DSCAM: variants seen among roughly 807,000 people sequenced by gnomAD.
The protein encoded by DSCAM is cell adhesion molecule DSCAM.
A neutral mutation model predicts 217.7 loss-of-function variants in DSCAM; 47 were observed. That is an observed-to-expected ratio of 0.22 (90% confidence interval 0.17 to 0.28). The LOEUF (loss-of-function observed/expected upper bound fraction) is 0.28. Ranked by LOEUF, DSCAM falls within the 10% of genes least tolerant of loss-of-function variation. The pLI is 1.00. For synonymous variants in DSCAM, 1,056 were observed against 1,015.3 expected (o/e 1.04, Z -0.76); for missense variants, 2,080 against 2,618.3 (o/e 0.79, Z 4.49).
chr21:40,141,670 G>A (rs964121812), intron 18 of DSCAM, among the ~76,000 whole-genome samples: 1 of 152,096 alleles, frequency 6.6e-6, no homozygotes, highest in African/African-American at 2.4e-5. Flanking sequence ...CAGTGACGGG[G>A]GGTGCAGGAG....
intron 25 of DSCAM, 44 bp downstream of exon 25, chr21:40,080,108 G>A (rs368307704): frequency 1.7e-5 from 21 of 1,262,140 alleles, no homozygotes; most frequent in South Asian, 1.0e-4. Context: ...TCTTCTGGCC[G>A]GGAAAAGAAA....
At chr21:40,170,672 A>G (rs1285703776) in intron 15 of DSCAM, among the ~76,000 whole-genome samples, 2 of 152,230 alleles carry the variant, frequency 1.3e-5, no homozygotes, top group Non-Finnish European at 2.9e-5. Flanking sequence ...GATTTCCCTC[A>G]CACACAGATA....
chr21:40,348,396 A>G (rs2074588179), intron 5 of DSCAM, among the ~76,000 whole-genome samples: 1 of 151,444 alleles, frequency 6.6e-6, no homozygotes, highest in Non-Finnish European at 1.5e-5. Context: ...CATTATTGCA[A>G]TCATACCCTA....
At position 40,197,358 on chromosome 21, in the gene DSCAM, T is replaced by C. The variant is rs1368513656; in HGVS notation, c.2357-8120A>G. Among the ~76,000 whole-genome samples the C allele has an allele frequency of 2.0e-5, 3 of 152,098 alleles. No homozygotes were observed. The East Asian group carries it at 5.8e-4, about 29-fold the overall frequency. On this transcript the variant is annotated intron_variant, in intron 11 of 32. Coordinates refer to ENST00000400454, the MANE Select transcript of DSCAM (RefSeq NM_001389.5). ...TGGTCTCGATCTCCTGACCTTGCGATCCACCCACCTCGGCCTCCCAAAGTG... is the reference window on the plus strand; with the variant it reads ...TGGTCTCGATCTCCTGACCTTGCGACCCACCCACCTCGGCCTCCCAAAGTG...
At chr21:40,182,004 C>T (rs931071695) in intron 14 of DSCAM, among the ~76,000 whole-genome samples, 1 of 151,948 alleles carries the variant, frequency 6.6e-6, no homozygotes, top group Non-Finnish European at 1.5e-5. Flanking sequence ...CTGACAGGAG[C>T]CAGTGAGACT....
In DSCAM at chr21:40,491,644, C is replaced by T. The variant is rs567542064; in HGVS notation, c.509-122399G>A. Among the ~76,000 whole-genome samples, 156 of 152,236 alleles carry T rather than the reference C, an allele frequency of 1.0e-3. 1 individual carries two copies. In the South Asian group the frequency reaches 0.028, roughly 28 times the overall value. Reference sequence around the variant, plus strand: ...CTACCTACCCTCCTTCTATAAACACCCCCACACCCAATTCATTCAACCCAG... The same window carrying T: ...CTACCTACCCTCCTTCTATAAACACTCCCACACCCAATTCATTCAACCCAG... On this transcript the variant is annotated intron_variant, in intron 3 of 32. Coordinates refer to ENST00000400454, the MANE Select transcript of DSCAM (RefSeq NM_001389.5).
chr21:40,419,896 T>C (rs2075406768), intron 3 of DSCAM, among the ~76,000 whole-genome samples: 2 of 152,166 alleles, frequency 1.3e-5, no homozygotes, highest in African/African-American at 4.8e-5. Context: ...CCATAGATAC[T>C]TTTTTATTCT....
chr21:40,798,134 C>T (rs1465118686), intron 1 of DSCAM, among the ~76,000 whole-genome samples: 1 of 151,964 alleles, frequency 6.6e-6, no homozygotes, highest in Non-Finnish European at 1.5e-5. Flanking sequence ...CAAAAATATA[C>T]TAAGTGGGAA....
chr21:40,398,871 A>G (rs1201987220), intron 3 of DSCAM, among the ~76,000 whole-genome samples: 2 of 152,114 alleles, frequency 1.3e-5, no homozygotes, highest in Non-Finnish European at 2.9e-5. Context: ...TACAGGTGTC[A>G]GCCACCGCAC....
chr21:40,314,189 T>C (rs905507460), intron 8 of DSCAM, among the ~76,000 whole-genome samples: 1 of 152,210 alleles, frequency 6.6e-6, no homozygotes, highest in Non-Finnish European at 1.5e-5. Context: ...GGCGCTTCTC[T>C]TATTTCGTAT....
At chr21:40,715,522 G>C (rs912422136) in intron 1 of DSCAM, among the ~76,000 whole-genome samples, 3 of 152,068 alleles carry the variant, frequency 2.0e-5, no homozygotes, top group African/African-American at 7.2e-5. Flanking sequence ...TCATCAAGTC[G>C]TAAGTGTTTT....
intron 8 of DSCAM, among the ~76,000 whole-genome samples, chr21:40,319,183 T>A (rs1205950504): frequency 1.3e-5 from 2 of 152,206 alleles, no homozygotes; most frequent in Non-Finnish European, 2.9e-5. Context: ...TAAATTTACA[T>A]CTTTTGAATT....
chr21:40,400,285 A>C (rs1569104900), intron 3 of DSCAM, among the ~76,000 whole-genome samples: 1 of 152,216 alleles, frequency 6.6e-6, no homozygotes. Context: ...TTATTTAAAA[A>C]TATTTTAATG....
At chr21:40,482,216 T>C (rs1259701108) in intron 3 of DSCAM, among the ~76,000 whole-genome samples, 1 of 152,260 alleles carries the variant, frequency 6.6e-6, no homozygotes, top group African/African-American at 2.4e-5. Flanking sequence ...TTCCCTACAT[T>C]TCATAATTTT....
intron 3 of DSCAM, among the ~76,000 whole-genome samples, chr21:40,615,903 C>G (rs536732544): frequency 6.6e-6 from 1 of 152,062 alleles, no homozygotes; most frequent in Non-Finnish European, 1.5e-5. Context: ...CCCTAGAACA[C>G]CAGCCCAAGG....
chr21:40,615,373 A>G (rs184662325), intron 3 of DSCAM: 1 of 151,936 alleles, frequency 6.6e-6, no homozygotes, highest in East Asian at 1.9e-4. Context: ...TGATGAATCT[A>G]TGAATAATTT....
At chr21:40,054,866 G>T (rs2088988588) in intron 29 of DSCAM, among the ~76,000 whole-genome samples, 1 of 152,098 alleles carries the variant, frequency 6.6e-6, no homozygotes, top group South Asian at 2.1e-4. Flanking sequence ...TCTACATCTT[G>T]GTTACAAAAG....
intron 3 of DSCAM, among the ~76,000 whole-genome samples, chr21:40,644,980 G>T (rs2089927629): frequency 6.6e-6 from 1 of 152,190 alleles, no homozygotes; most frequent in Admixed American, 6.5e-5. Context: ...ACCAAATTTT[G>T]CAAGTAAAGA....
At chr21:40,600,979 T>A (rs1157916762) in intron 3 of DSCAM, among the ~76,000 whole-genome samples, 1 of 152,232 alleles carries the variant, frequency 6.6e-6, no homozygotes, top group Non-Finnish European at 1.5e-5. Context: ...TCTCTCATGG[T>A]TCTTCTACAG....
Sources: allele counts gnomAD v4.1 joint callset (sites outside exome capture counted in the v4.1 genomes callset), GRCh38; gene constraint gnomAD v4.1.1; transcripts MANE v1.5; gene names NCBI Gene and HGNC (gene_info 2026-07-23, HGNC 2026-07-21).